Variants in HPS3 observed in about 807,000 individuals in gnomAD.
HPS3 encodes BLOC-2 complex member HPS3.
In HPS3, 79 loss-of-function variants were observed where a neutral mutation model predicts 110.9. That is an observed-to-expected ratio of 0.71 (90% CI 0.59 to 0.86). The LOEUF (loss-of-function observed/expected upper bound fraction) is 0.86. HPS3 is among the 40% of genes least tolerant of loss of function. The probability of loss-of-function intolerance (pLI) is 0.00; values close to 1 mark genes in which losing one functional copy is unlikely to be tolerated. For missense variants in HPS3, 1,197 were observed against 1,206.2 expected (o/e 0.99, Z 0.11); for synonymous variants, 428 against 451.0 (o/e 0.95, Z 0.65).
chr3:149,173,155 C>G lies in HPS3; in HGVS notation c.*933C>G, dbSNP rs1367739174. On this transcript the variant is annotated 3_prime_UTR_variant, in exon 17 of 17. Coordinates refer to ENST00000296051, the MANE Select transcript of HPS3 (RefSeq NM_032383.5). The stretch of plus-strand genomic sequence containing the variant: ...CAGGATTTAATCTATAGAATTGTCT[C>G]TCAACTCTGCTTTTCTCCAGTTCCA... 2 of 152,258 alleles carry G rather than the reference C, an allele frequency of 1.3e-5. No homozygotes were observed. The highest frequency in any genetic ancestry group is 2.9e-5 in the Non-Finnish European group (2 of 68,064). The allele number at this position is 152,258 out of a possible 1,614,324, so 9.4% of individuals were successfully genotyped here.
intron 6 of HPS3, among the ~76,000 whole-genome samples, chr3:149,152,766 C>T (rs1343151317): frequency 6.6e-6 from 1 of 152,184 alleles, no homozygotes; most frequent in African/African-American, 2.4e-5. Context: ...AGAATCAAAA[C>T]AGCATGCATG....
intron 6 of HPS3, among the ~76,000 whole-genome samples, chr3:149,152,591 G>C (rs1374685903): frequency 6.6e-6 from 1 of 152,210 alleles, no homozygotes; most frequent in Admixed American, 6.5e-5. Context: ...CCCACCTGCT[G>C]ACTCAGGCTT....
chr3:149,160,842 T>C (rs1576690470), intron 11 of HPS3, among the ~76,000 whole-genome samples: 1 of 152,236 alleles, frequency 6.6e-6, no homozygotes, highest in Non-Finnish European at 1.5e-5. Context: ...TGAACACTTA[T>C]TATTTACCAG....
chr3:149,157,463 T>C lies in HPS3; in HGVS notation c.1623T>C (p.Pro541=). The C allele has an allele frequency of 6.2e-7, 1 of 1,613,916 alleles. No homozygotes were observed. The highest frequency in any genetic ancestry group is 8.5e-7 in the Non-Finnish European group (1 of 1,179,868). ...TGATGGATGCCAGTCAGCTGGAACC[T>C]GGAGAGAAGGCAGAGCTTTTGGAAG... The part of the protein sequence containing the change: ...AALMDASQLE[P]GEKAELLEAF... The change falls in exon 9 of 17, where the codon CCT becomes CCC. Residue 541 remains proline (P), a synonymous_variant. Transcript: ENST00000296051.
At chr3:149,146,058 A>G (rs963607033) in intron 5 of HPS3, among the ~76,000 whole-genome samples, 4 of 152,220 alleles carry the variant, frequency 2.6e-5, no homozygotes, top group Non-Finnish European at 4.4e-5. Context: ...TTGGTGGCAG[A>G]TGTGTTGAGT....
chr3:149,136,118 C>G lies in HPS3; in HGVS notation c.218-3886C>G, dbSNP rs544290740. Among the ~76,000 whole-genome samples the G allele has an allele frequency of 6.6e-5, 10 of 152,008 alleles. 1 individual carries two copies. Among genetic ancestry groups the G allele is most frequent in the African/African-American group, 2.4e-4 (10 of 41,436 alleles). On this transcript the variant is annotated intron_variant, in intron 1 of 16. Transcript: ENST00000296051. ...TCAATGTACTTAATAAAGACAGAAG[C>G]TGAGCCTGGGCTACATAGTGAAACC...
chr3:149,154,977 C>T, intron 7 of HPS3, 130 bp from the exon 8 acceptor site: 1 of 667,420 alleles, frequency 1.5e-6, no homozygotes, highest in South Asian at 1.7e-5. Context: ...ATAGAGTGTA[C>T]AGTTAATCAC....
intron 1 of HPS3, among the ~76,000 whole-genome samples, chr3:149,137,104 T>C (rs764756727): frequency 1.4e-4 from 21 of 152,018 alleles, no homozygotes; most frequent in Non-Finnish European, 2.2e-4. Context: ...ATATATACAA[T>C]AAAGAACTCT....
At chr3:149,147,351 G>A (rs965293141) in intron 5 of HPS3, among the ~76,000 whole-genome samples, 2 of 152,174 alleles carry the variant, frequency 1.3e-5, no homozygotes, top group African/African-American at 4.8e-5. Context: ...GATTATTAAA[G>A]TAGTGAGAGT....
At chr3:149,138,240 G>C (rs896727561) in intron 1 of HPS3, among the ~76,000 whole-genome samples, 1 of 152,190 alleles carries the variant, frequency 6.6e-6, no homozygotes, top group Admixed American at 6.5e-5. Context: ...GAGGGAGCCT[G>C]GTCAGCCCAG....
At chr3:149,157,626 G>GAACCACCTTCCCATTTATCA in intron 9 of HPS3, 95 bp downstream of exon 9, 1 of 1,121,970 alleles carries the variant, frequency 8.9e-7, no homozygotes, top group Non-Finnish European at 1.3e-6. Context: ...CCTGATAAAT[G>GAACCACCTTCCCATTTATCA]GGAAGGTGGT....
chr3:149,143,588 A>C (rs914989407), intron 4 of HPS3, among the ~76,000 whole-genome samples: 1 of 152,228 alleles, frequency 6.6e-6, no homozygotes. Flanking sequence ...TGCTGACTGA[A>C]TAGACGAATG....
At chr3:149,160,726 G>C (rs990941394) in intron 11 of HPS3, among the ~76,000 whole-genome samples, 3 of 152,198 alleles carry the variant, frequency 2.0e-5, no homozygotes, top group Admixed American at 6.5e-5. Context: ...TTGGACATTT[G>C]AATGGTATAC....
At chr3:149,156,851 T>C (rs975137676) in intron 8 of HPS3, among the ~76,000 whole-genome samples, 4 of 152,186 alleles carry the variant, frequency 2.6e-5, no homozygotes, top group African/African-American at 9.6e-5. Flanking sequence ...CTGAATATAT[T>C]GATTGAGTCA....
intron 10 of HPS3, 83 bp downstream of exon 10, chr3:149,158,929 C>A (rs1723623819): frequency 1.1e-6 from 1 of 948,884 alleles, no homozygotes; most frequent in Non-Finnish European, 1.6e-6. Context: ...GTTTAGAAGT[C>A]AGATTCCAAA....
intron 5 of HPS3, 92 bp downstream of exon 5, chr3:149,145,638 C>A: frequency 1.0e-6 from 1 of 963,854 alleles, no homozygotes. Context: ...TGTGAACTAG[C>A]ATAGAGTACT....
intron 9 of HPS3, 30 bp downstream of exon 9, chr3:149,157,561 A>C (rs980733388): frequency 1.2e-6 from 2 of 1,606,298 alleles, no homozygotes; most frequent in Admixed American, 3.3e-5. Flanking sequence ...ACCTTGTTAC[A>C]GAAGTCATCT....
intron 16 of HPS3, 99 bp from the exon 17 acceptor site, chr3:149,171,996 C>A: frequency 8.2e-7 from 1 of 1,224,352 alleles, no homozygotes; most frequent in South Asian, 1.2e-5. Flanking sequence ...TGAGCCACCA[C>A]GCCTGGCCTG....
intron 1 of HPS3, among the ~76,000 whole-genome samples, chr3:149,132,317 G>A (rs1721829991): frequency 6.6e-6 from 1 of 152,158 alleles, no homozygotes; most frequent in Admixed American, 6.5e-5. Flanking sequence ...CTCTTGTTAG[G>A]GGGTGATGCA....
Sources: gnomAD v4.1 joint callset for allele counts (sites outside exome capture counted in the v4.1 genomes callset) on GRCh38, gnomAD v4.1.1 for gene constraint, MANE v1.5 for transcripts, NCBI Gene and HGNC (gene_info 2026-07-23, HGNC 2026-07-21) for gene names.